SNTB1: variants seen among roughly 807,000 people sequenced by gnomAD.
The protein encoded by SNTB1 is syntrophin beta 1.
SNTB1 carries 36 observed loss-of-function variants against 48.9 expected under a neutral mutation model. The observed-to-expected ratio is 0.74, with a 90% CI of 0.56 to 0.97. The LOEUF (loss-of-function observed/expected upper bound fraction) is 0.97. Ranked by LOEUF, SNTB1 falls within the 50% of genes least tolerant of loss-of-function variation. The pLI is 0.00. For missense variants in SNTB1, 786 were observed against 703.4 expected (o/e 1.12, Z -1.33); for synonymous variants, 299 against 294.6 (o/e 1.01, Z -0.15).
intron 1 of SNTB1, among the ~76,000 whole-genome samples, chr8:120,754,209 G>A (rs1819274675): frequency 6.6e-6 from 1 of 152,076 alleles, no homozygotes; most frequent in Admixed American, 6.6e-5. Context: ...TGGGGGAATA[G>A]TTAAGAAATA....
chr8:120,744,121 A>AT (rs35604534), intron 1 of SNTB1, among the ~76,000 whole-genome samples: 32,518 of 136,128 alleles, frequency 0.24, 4,768 homozygotes, highest in East Asian at 0.58. Context: ...CCCTGTCTCA[A>AT]TTTTTTTTTT....
At chr8:120,727,681 T>C (rs1347939888) in intron 1 of SNTB1, among the ~76,000 whole-genome samples, 1 of 152,192 alleles carries the variant, frequency 6.6e-6, no homozygotes, top group East Asian at 1.9e-4. Context: ...AGAAGATTCA[T>C]GAAAGAGCAG....
intron 1 of SNTB1, among the ~76,000 whole-genome samples, chr8:120,696,351 G>A (rs573745853): frequency 2.0e-4 from 31 of 152,258 alleles, no homozygotes; most frequent in South Asian, 6.2e-4. Context: ...CTTCCTTTAC[G>A]TAACATGCTC....
intron 1 of SNTB1, among the ~76,000 whole-genome samples, chr8:120,709,774 A>G (rs888230351): frequency 1.3e-5 from 2 of 152,080 alleles, no homozygotes; most frequent in African/African-American, 2.4e-5. Context: ...TTTCTCCCCA[A>G]AGAGCCTTGA....
rs373258111 is a variant in SNTB1, at chr8:120,632,532, C to T, written c.908G>A (p.Arg303Gln). 9.9e-6 allele frequency: 16 copies of T among 1,614,006 alleles called. No homozygotes were observed. The highest frequency in any genetic ancestry group is 1.6e-4 in the Middle Eastern group (1 of 6,084). Residue 303 changes from arginine (R) to glutamine (Q), a missense_variant, in exon 3 of 7, where the codon CGA becomes CAA. Coordinates refer to ENST00000517992, the MANE Select transcript of SNTB1 (RefSeq NM_021021.4). The part of the protein sequence containing the change: ...IHSNVNDLLT[R>Q]VIAEVREQLG... The stretch of plus-strand genomic sequence containing the variant: ...CTGCTCTCTGACCTCAGCAATCACT[C>T]GGGTCAGCAGGTCATTAACGTTGGA...
intron 1 of SNTB1, among the ~76,000 whole-genome samples, chr8:120,715,120 T>C (rs1472574123): frequency 6.6e-6 from 1 of 152,246 alleles, no homozygotes; most frequent in African/African-American, 2.4e-5. Flanking sequence ...TCCCCTTATT[T>C]TCATTCTCCT....
intron 3 of SNTB1, among the ~76,000 whole-genome samples, chr8:120,607,012 C>CTG (rs1816533949): frequency 6.6e-6 from 1 of 152,094 alleles, no homozygotes; most frequent in Non-Finnish European, 1.5e-5. Context: ...GATGAGAAGA[C>CTG]TGTATCCCTG....
chr8:120,719,282 G>T (rs1587112806), intron 1 of SNTB1, among the ~76,000 whole-genome samples: 1 of 152,154 alleles, frequency 6.6e-6, no homozygotes, highest in South Asian at 2.1e-4. Flanking sequence ...ACATGAAAAG[G>T]TCAGACTGGC....
At position 120,811,547 on chromosome 8, in the gene SNTB1, G is replaced by C. The variant is rs1285677191; in HGVS notation, c.297C>G (p.Pro99=). Residue 99 remains proline (P), a synonymous_variant, in exon 1 of 7, where the codon CCC becomes CCG. Transcript: ENST00000517992. ...AGVRTAFTDL[P]EQVPESISNQ... is the part of the protein sequence containing the mutation. ...TCGAGATGGACTCGGGCACCTGCTCGGGCAGGTCGGTGAAAGCGGTGCGGA... is the reference window on the plus strand; with the variant it reads ...TCGAGATGGACTCGGGCACCTGCTCCGGCAGGTCGGTGAAAGCGGTGCGGA... 3 of 1,602,078 alleles carry C rather than the reference G, an allele frequency of 1.9e-6. No individual in the cohort carries two copies. Among genetic ancestry groups the C allele is most frequent in the Admixed American group, 1.7e-5 (1 of 58,280 alleles).
At chr8:120,740,441 A>G (rs189674600) in intron 1 of SNTB1, among the ~76,000 whole-genome samples, 10 of 152,248 alleles carry the variant, frequency 6.6e-5, no homozygotes, top group Non-Finnish European at 1.0e-4. Flanking sequence ...TGTGTCAGAC[A>G]TATTTTAAGG....
intron 3 of SNTB1, among the ~76,000 whole-genome samples, chr8:120,614,366 G>A (rs573678523): frequency 6.6e-6 from 1 of 152,194 alleles, no homozygotes; most frequent in African/African-American, 2.4e-5. Flanking sequence ...AAACACAGTG[G>A]TAGGCACTTC....
At chr8:120,806,199 G>C (rs948155982) in intron 1 of SNTB1, among the ~76,000 whole-genome samples, 9 of 152,216 alleles carry the variant, frequency 5.9e-5, no homozygotes, top group South Asian at 2.1e-4. Context: ...ATTTATGAAG[G>C]CTTTTTAGCA....
chr8:120,597,202 T>C (rs572673629), intron 3 of SNTB1, among the ~76,000 whole-genome samples: 21 of 152,310 alleles, frequency 1.4e-4, no homozygotes, highest in South Asian at 8.3e-4. Context: ...CATCAGAAGC[T>C]GGAAGATGCA....
chr8:120,623,866 G>A (rs1222999165), intron 3 of SNTB1, among the ~76,000 whole-genome samples: 2 of 152,236 alleles, frequency 1.3e-5, no homozygotes, highest in Non-Finnish European at 2.9e-5. Flanking sequence ...GTTCAACAGA[G>A]TCTGCTAGCC....
intron 2 of SNTB1, among the ~76,000 whole-genome samples, chr8:120,681,587 T>C (rs1239417737): frequency 6.6e-6 from 1 of 151,036 alleles, no homozygotes; most frequent in East Asian, 1.9e-4. Context: ...CAGTGGAAAG[T>C]GGGTATTCTC....
intron 3 of SNTB1, among the ~76,000 whole-genome samples, chr8:120,594,114 A>G (rs867518862): frequency 2.0e-4 from 30 of 151,586 alleles, no homozygotes; most frequent in Middle Eastern, 3.4e-3. Flanking sequence ...CCCAGGCTGA[A>G]GTGGGGTGGT....
At chr8:120,708,375 T>C (rs1818412407) in intron 1 of SNTB1, among the ~76,000 whole-genome samples, 1 of 151,980 alleles carries the variant, frequency 6.6e-6, no homozygotes, top group Non-Finnish European at 1.5e-5. Flanking sequence ...TTCTACCAAA[T>C]CGTTAAAGAA....
chr8:120,593,554 A>G (rs1234126441), intron 3 of SNTB1, among the ~76,000 whole-genome samples: 1 of 152,218 alleles, frequency 6.6e-6, no homozygotes, highest in Non-Finnish European at 1.5e-5. Flanking sequence ...CAAACAAATG[A>G]TGAGATAAAG....
intron 2 of SNTB1, among the ~76,000 whole-genome samples, chr8:120,646,759 C>T (rs1384204342): frequency 6.6e-6 from 1 of 152,140 alleles, no homozygotes; most frequent in East Asian, 1.9e-4. Flanking sequence ...CCTCCTTGTA[C>T]CTCTGGGAGA....
Sources: allele counts gnomAD v4.1 joint callset (sites outside exome capture counted in the v4.1 genomes callset), GRCh38; gene constraint gnomAD v4.1.1; transcripts MANE v1.5; gene names NCBI Gene and HGNC (gene_info 2026-07-23, HGNC 2026-07-21).